DOP1B: variants seen among roughly 807,000 people sequenced by gnomAD.
The protein encoded by DOP1B is DOP1 leucine zipper like protein B, also known as protein DOP1B.
In DOP1B, 174 loss-of-function variants were observed where a neutral mutation model predicts 233.5. That is an observed-to-expected ratio of 0.75 (90% CI 0.66 to 0.85). DOP1B has a LOEUF of 0.85. DOP1B is among the 40% of genes least tolerant of loss of function. The pLI is 0.00. For synonymous variants in DOP1B, 1,190 were observed against 1,185.6 expected (o/e 1.00, Z -0.08); for missense variants, 2,652 against 2,846.6 (o/e 0.93, Z 1.56).
chr21:36,238,704 G>A lies in DOP1B; in HGVS notation c.2876+3G>A. 6.2e-7 allele frequency: 1 copy of A among 1,614,114 alleles called. No individual in the cohort carries two copies. Among genetic ancestry groups the A allele is most frequent in the Non-Finnish European group, 8.5e-7 (1 of 1,179,952 alleles). On this transcript the variant is annotated splice_donor_region_variant and intron_variant, in intron 17 of 36. Transcript: ENST00000691173. ...TCTCACAATCGCTCCTTTGATAGGT[G>A]AGGCGGCCTTCGTTATGATCTACCG...
intron 9 of DOP1B, 123 bp downstream of exon 9, chr21:36,214,679 A>G (rs2066540117): frequency 1.1e-6 from 1 of 930,314 alleles, no homozygotes. Context: ...TTGGAATTTC[A>G]CAACTTTGAA....
At position 36,255,592 on chromosome 21, in the gene DOP1B, C is replaced by T. The variant is rs887348721; in HGVS notation, c.5259+1683C>T. Reference sequence around the variant, plus strand: ...AGACCACACATGCACACCACCACACCTGGCTAATTTTTATATTTTTTGTAG... The same window carrying T: ...AGACCACACATGCACACCACCACACTTGGCTAATTTTTATATTTTTTGTAG... On this transcript the variant is annotated intron_variant, in intron 23 of 36. Coordinates refer to ENST00000691173, the MANE Select transcript of DOP1B (RefSeq NM_001320714.2). 3.3e-5 allele frequency among the ~76,000 whole-genome samples: 5 copies of T among 151,956 alleles called. No homozygotes were observed. The East Asian group carries it at 9.7e-4, about 29-fold the overall frequency.
intron 16 of DOP1B, 73 bp downstream of exon 16, chr21:36,237,487 C>T: frequency 2.5e-6 from 4 of 1,573,628 alleles, no homozygotes; most frequent in Admixed American, 1.7e-5. Context: ...AGCCAACTGA[C>T]ATCCATTCGG....
chr21:36,219,319 T>G, intron 9 of DOP1B, 53 bp from the exon 10 acceptor site: 2 of 1,610,368 alleles, frequency 1.2e-6, no homozygotes, highest in Admixed American at 3.4e-5. Context: ...TGTCACTTAC[T>G]GATTTAAAGG....
rs77695026 is a variant in DOP1B, at chr21:36,212,606, C to T, written c.904+509C>T. ...TGTGGACTGCCTATAAATTTGTTGG[C>T]AAAGGGCCCTTGACTATTGGTTGGA... On this transcript the variant is annotated intron_variant, in intron 7 of 36. Transcript: ENST00000691173. Among the ~76,000 whole-genome samples, 689 of 152,256 alleles carry T rather than the reference C, an allele frequency of 4.5e-3. 6 individuals are homozygous for T. The highest frequency in any genetic ancestry group is 0.016 in the African/African-American group (658 of 41,546).
rs2066960629 is a variant in DOP1B at position 36,246,125 on chromosome 21, A to C, written c.4145A>C (p.Lys1382Thr). The C allele has an allele frequency of 3.7e-6, 6 of 1,613,984 alleles. No homozygotes were observed. Among genetic ancestry groups the C allele is most frequent in the Non-Finnish European group, 5.1e-6 (6 of 1,180,018 alleles). Residue 1382 changes from lysine (K) to threonine (T), a missense_variant, in exon 19 of 37, where the codon AAA becomes ACA. Physicochemically the swap from Lys to Thr is moderately conservative, Grantham distance 78 (BLOSUM62 -1). Coordinates refer to ENST00000691173, the MANE Select transcript of DOP1B (RefSeq NM_001320714.2). This position sits in a 1 kb window ranked among gnomAD's most constrained non-coding sequence, Gnocchi z 5.1. Reference protein sequence around the residue: ...EFIHSLLQRCKVQEFVLLSLS... With the variant: ...EFIHSLLQRCTVQEFVLLSLS... ...ATCCACAGCTTGCTGCAGAGGTGCA[A>C]AGTTCAGGAGTTTGTCCTGCTCTCC...
chr21:36,227,495 C>A (rs940221301), intron 12 of DOP1B, among the ~76,000 whole-genome samples, 191 bp from the exon 13 acceptor site: 1 of 151,162 alleles, frequency 6.6e-6, no homozygotes, highest in Non-Finnish European at 1.5e-5. Context: ...TGCAGTGAGC[C>A]GAGATCGCGA....
chr21:36,206,445 G>A (rs749015094), intron 4 of DOP1B, among the ~76,000 whole-genome samples: 2 of 151,472 alleles, frequency 1.3e-5, no homozygotes, highest in Non-Finnish European at 2.9e-5. Context: ...CAGGAAAATT[G>A]ATTGAGCCCA....
chr21:36,214,312 G>C, intron 8 of DOP1B, 122 bp downstream of exon 8: 2 of 1,241,460 alleles, frequency 1.6e-6, no homozygotes, highest in Middle Eastern at 1.9e-4. Context: ...GGGAACTGCA[G>C]GGTATTTGTT....
chr21:36,215,469 C>T (rs541063240), intron 9 of DOP1B, among the ~76,000 whole-genome samples: 4 of 152,074 alleles, frequency 2.6e-5, no homozygotes, highest in African/African-American at 4.8e-5. Flanking sequence ...GGCGCAATCT[C>T]GGCTCACTAA....
Position 36,230,967 on chromosome 21 carries a change from G to A in DOP1B, c.2183G>A (p.Gly728Glu). ...SPSSPARKNG[G>E]EWDVEKVVID... ...AGCAGCCCTGCCAGGAAAAACGGGG[G>A]AGAATGGGATGTTGAGAAGGTGGTC... The change falls in exon 14 of 37, where the codon GGA becomes GAA. Residue 728 changes from glycine to glutamate, a missense_variant. By Grantham distance (98) the Gly-to-Glu change is moderately conservative. Around this residue, in one of 3 missense-constraint regions of DOP1B, gnomAD observed 2,617 missense variants for 2,794.3 expected, o/e 0.94. Coordinates refer to ENST00000691173, the MANE Select transcript of DOP1B (RefSeq NM_001320714.2). The A allele has an allele frequency of 6.2e-7, 1 of 1,614,196 alleles. No individual in the cohort carries two copies. The highest frequency in any genetic ancestry group is 8.5e-7 in the Non-Finnish European group (1 of 1,180,038).
intron 32 of DOP1B, among the ~76,000 whole-genome samples, 162 bp downstream of exon 32, chr21:36,281,773 G>A (rs1162486462): frequency 6.6e-6 from 1 of 152,180 alleles, no homozygotes; most frequent in Non-Finnish European, 1.5e-5. Context: ...AACATCCTAT[G>A]GCAGAAGGTG....
chr21:36,233,352 G>C (rs1030764883), intron 15 of DOP1B, among the ~76,000 whole-genome samples: 1 of 152,190 alleles, frequency 6.6e-6, no homozygotes, highest in Admixed American at 6.5e-5. Flanking sequence ...TGGAGGCAGG[G>C]AGCCCATGAC....
chr21:36,273,767 T>C lies in DOP1B; in HGVS notation c.5633-3254T>C, dbSNP rs2067317797. Reference sequence around the variant, plus strand: ...TGGAGACTGATGAGACTGATGGTTGTCGGGCTTGGTAGAAAGCACACTAAG... The same window carrying C: ...TGGAGACTGATGAGACTGATGGTTGCCGGGCTTGGTAGAAAGCACACTAAG... On this transcript the variant is annotated intron_variant, in intron 27 of 36. Transcript: ENST00000691173. 2.0e-5 allele frequency among the ~76,000 whole-genome samples: 3 copies of C among 151,980 alleles called. No individual in the cohort carries two copies. In the South Asian group the frequency reaches 6.2e-4, roughly 32 times the overall value.
intron 2 of DOP1B, chr21:36,170,162 A>C (rs2065959323): frequency 2.0e-6 from 1 of 489,698 alleles, no homozygotes; most frequent in Non-Finnish European, 3.8e-6. Flanking sequence ...CTGGGAGTGG[A>C]GAACTTTCTG....
At chr21:36,275,489 G>A (rs966747272) in intron 27 of DOP1B, among the ~76,000 whole-genome samples, 1 of 151,896 alleles carries the variant, frequency 6.6e-6, no homozygotes, top group Non-Finnish European at 1.5e-5. Flanking sequence ...CTGTAGTAAT[G>A]GGACCTGTAG....
At position 36,253,880 on chromosome 21, in the gene DOP1B, A is replaced by G. The variant is rs1569053673; in HGVS notation, c.5230A>G (p.Arg1744Gly). The change falls in exon 23 of 37, where the codon AGG (arginine) becomes GGG (glycine). Residue 1744 changes from arginine (R) to glycine (G), a missense_variant. By Grantham distance (125) the Arg-to-Gly change is moderately radical. This residue lies in a region of DOP1B where 2,617 missense variants were observed against 2,794.3 expected (regional missense o/e 0.94). Transcript: ENST00000691173. ...LLHLVKEVVK[R>G]PPQVKGGDEK... ...GCACCTGGTGAAGGAGGTGGTGAAG[A>G]GGCCACCCCAAGTCAAAGGGGGTGA... is the stretch of plus-strand genomic sequence containing the variant. 11 of 1,613,870 alleles carry G rather than the reference A, an allele frequency of 6.8e-6. No homozygotes were observed. The highest frequency in any genetic ancestry group is 9.3e-6 in the Non-Finnish European group (11 of 1,179,982).
chr21:36,184,001 C>T (rs985721381), intron 2 of DOP1B, among the ~76,000 whole-genome samples: 4 of 150,822 alleles, frequency 2.7e-5, no homozygotes, highest in Non-Finnish European at 5.9e-5. Context: ...GTAGCTGGGA[C>T]TACAGGTGCG....
rs1601412758 is a variant in DOP1B at position 36,208,762 on chromosome 21, T to G, written c.539T>G (p.Val180Gly). The change falls in exon 5 of 37, where the codon GTG (valine) becomes GGG (glycine). Residue 180 changes from valine to glycine, a missense_variant. By Grantham distance (109) the Val-to-Gly change is moderately radical (BLOSUM62 -3). Around this residue, in one of 3 missense-constraint regions of DOP1B, gnomAD observed 2,617 missense variants for 2,794.3 expected, o/e 0.94. Transcript: ENST00000691173. ...CTGTCGCTGGTGGTTGGCAAAGAGG[T>G]GTTTTACACCGCCCTCTGGGGGAGC... Reference protein sequence around the residue: ...LRLSLVVGKEVFYTALWGSVL... With the variant: ...LRLSLVVGKEGFYTALWGSVL... 1 of 1,613,092 alleles carries G rather than the reference T, an allele frequency of 6.2e-7. No individual in the cohort carries two copies. Among genetic ancestry groups the G allele is most frequent in the Non-Finnish European group, 8.5e-7 (1 of 1,179,594 alleles).
Sources: allele counts gnomAD v4.1 joint callset (sites outside exome capture counted in the v4.1 genomes callset), GRCh38; gene constraint gnomAD v4.1.1; regional missense constraint gnomAD v4.1.1; non-coding constraint Gnocchi (gnomAD v3.1); transcripts MANE v1.5; gene names NCBI Gene and HGNC (gene_info 2026-07-23, HGNC 2026-07-21).